The following KIF24 variants were observed in gnomAD, a reference collection of about 807,000 sequenced individuals.
KIF24 encodes kinesin-like protein KIF24.
In KIF24, 81 loss-of-function variants were observed where a neutral mutation model predicts 118.9. The observed-to-expected ratio is 0.68, with a 90% CI of 0.57 to 0.82. The LOEUF (loss-of-function observed/expected upper bound fraction) is 0.82, where lower values mean the gene tolerates loss of function less well. Among genes scored for constraint, KIF24 ranks in the 40% least tolerant of loss-of-function variants. The pLI, the probability that KIF24 is intolerant of heterozygous loss-of-function variation, is 0.00. For synonymous variants in KIF24, 599 were observed against 610.0 expected (o/e 0.98, Z 0.27); for missense variants, 1,560 against 1,661.6 (o/e 0.94, Z 1.06).
intron 4 of KIF24, among the ~76,000 whole-genome samples, chr9:34,295,455 T>C (rs900685680): frequency 1.3e-5 from 2 of 152,064 alleles, no homozygotes; most frequent in Admixed American, 1.3e-4. Context: ...AGCAGGAGGA[T>C]TGCTTGAGCC....
chr9:34,304,028 T>C (rs776253493), intron 3 of KIF24, among the ~76,000 whole-genome samples: 19 of 152,208 alleles, frequency 1.2e-4, no homozygotes, highest in Non-Finnish European at 2.2e-4. Flanking sequence ...CTCATTATAT[T>C]GATATAAAGT....
chr9:34,255,760 G>C lies in KIF24; in HGVS notation c.3847C>G (p.Arg1283Gly). Residue 1283 changes from arginine to glycine, a missense_variant, in exon 11 of 13, where the codon CGT becomes GGT. By Grantham distance (125) the Arg-to-Gly change is moderately radical (BLOSUM62 -2). Transcript: ENST00000402558. ...TGCGCTTGCTCCAGGGTGGGCTGAC[G>C]GAGTGTCCCTGCAGTCTTGGGAGAG... ...SCSPKTAGTL[R>G]QPTLEQAQQV... 6.2e-7 allele frequency: 1 copy of C among 1,613,192 alleles called. No individual in the cohort carries two copies. Among genetic ancestry groups the C allele is most frequent in the African/African-American group, 1.3e-5 (1 of 75,060 alleles).
At position 34,267,106 on chromosome 9, in the gene KIF24, T is replaced by G. The variant is rs1835325471; in HGVS notation, c.1443+2151A>C. On this transcript the variant is annotated intron_variant, in intron 8 of 12. Coordinates refer to ENST00000402558, the MANE Select transcript of KIF24 (RefSeq NM_194313.4). ...GATAGTTGAGGGAAAATTATTCTTT[T>G]CAGCTAATACATACAGAAGGAATAT... is the stretch of plus-strand genomic sequence containing the variant. Among the ~76,000 whole-genome samples, 2 of 152,276 alleles carry G rather than the reference T, an allele frequency of 1.3e-5. 1 individual carries two copies. Among genetic ancestry groups the G allele is most frequent in the South Asian group, 4.1e-4 (2 of 4,824 alleles).
intron 1 of KIF24, among the ~76,000 whole-genome samples, chr9:34,315,740 A>G (rs1753535014): frequency 6.6e-6 from 1 of 152,256 alleles, no homozygotes; most frequent in African/African-American, 2.4e-5. Context: ...TAAAATATTT[A>G]GAAATGGGCC....
At chr9:34,272,511 G>C (rs1013554820) in intron 6 of KIF24, among the ~76,000 whole-genome samples, 3 of 152,254 alleles carry the variant, frequency 2.0e-5, no homozygotes, top group South Asian at 2.1e-4. Context: ...AATGGGGCAG[G>C]GGAGGTGAAG....
At chr9:34,266,679 G>GAAA (rs1252037077) in intron 8 of KIF24, among the ~76,000 whole-genome samples, 1 of 77,302 alleles carries the variant, frequency 1.3e-5, no homozygotes, top group East Asian at 4.1e-4. Context: ...CTCCATCTCA[G>GAAA]AAAAAAAAAA....
At chr9:34,304,670 T>A (rs924888942) in intron 3 of KIF24, among the ~76,000 whole-genome samples, 4 of 151,904 alleles carry the variant, frequency 2.6e-5, no homozygotes, top group Admixed American at 2.0e-4. Context: ...GCTGTTAAAG[T>A]GATTGGGTTG....
chr9:34,285,930 T>TAA lies in KIF24; in HGVS notation c.1215+685_1215+686dup, dbSNP rs11283995. On this transcript the variant is annotated intron_variant, in intron 6 of 12. Transcript: ENST00000402558. ...GGCAACAGAGCAAGACCCTGTTGCT[T>TAA]AAAAAAAAAAAAAAAAAAAAGTAAA... is the stretch of plus-strand genomic sequence containing the variant. 1.4e-3 allele frequency among the ~76,000 whole-genome samples: 172 copies of TAA among 120,856 alleles called. 3 individuals carry two copies. The highest frequency in any genetic ancestry group is 2.2e-3 in the South Asian group (8 of 3,584). The allele number at this position is 120,856 out of a possible 152,430, so 79.3% of individuals were successfully genotyped here. A position where few individuals can be genotyped will look rare whatever the true frequency, so the allele number is the denominator to read the frequency against.
At position 34,318,179 on chromosome 9, in the gene KIF24, A is replaced by G. The variant is rs910598126; in HGVS notation, c.-25-6808T>C. ...ATGAATAATGCAGCCTGGGCAACAT[A>G]GTGAGACCCCGCCCCTAAAAAAAAG... On this transcript the variant is annotated intron_variant, in intron 1 of 12. Coordinates refer to ENST00000402558, the MANE Select transcript of KIF24 (RefSeq NM_194313.4). This position sits in a 1 kb window ranked among gnomAD's most constrained non-coding sequence, Gnocchi z 4.9. Among the ~76,000 whole-genome samples the G allele has an allele frequency of 1.3e-5, 2 of 148,788 alleles. No individual in the cohort carries two copies. The highest frequency in any genetic ancestry group is 3.0e-5 in the Non-Finnish European group (2 of 67,158).
chr9:34,295,039 AAC>A (rs1312110383), intron 4 of KIF24, among the ~76,000 whole-genome samples: 2 of 152,222 alleles, frequency 1.3e-5, no homozygotes, highest in Non-Finnish European at 1.5e-5. Flanking sequence ...TGTTTGAAAA[AAC>A]AGTCAAAATT....
rs1834808317 is a variant in KIF24, at chr9:34,255,793, G to A, written c.3814C>T (p.Pro1272Ser). 2 of 1,613,812 alleles carry A rather than the reference G, an allele frequency of 1.2e-6. No homozygotes were observed. The highest frequency in any genetic ancestry group is 1.7e-5 in the Admixed American group (1 of 59,980). Residue 1272 changes from proline (P) to serine (S), a missense_variant, in exon 11 of 13, where the codon CCC (proline) becomes TCC (serine). Physicochemically the swap from Pro to Ser is moderately conservative, Grantham distance 74. This residue lies in a region of KIF24 where 591 missense variants were observed against 655.6 expected (regional missense o/e 0.90). Transcript: ENST00000402558. ...CCTGCAGTCTTGGGAGAGCAGCTGG[G>A]AACCAAGGGAGAACTTGGCCTTGCT... ...CLARPSSPLV[P>S]SCSPKTAGTL...
chr9:34,282,367 G>C (rs1485545806), intron 6 of KIF24, among the ~76,000 whole-genome samples: 1 of 152,100 alleles, frequency 6.6e-6, no homozygotes, highest in Admixed American at 6.6e-5. Flanking sequence ...CCAGGCACTG[G>C]GGGCAGGAGA....
chr9:34,330,553 C>T (rs547848095), upstream of KIF24, among the ~76,000 whole-genome samples: 65 of 152,264 alleles, frequency 4.3e-4, no homozygotes, highest in South Asian at 1.0e-3. Context: ...AGCTATAGTT[C>T]CCTTTCTACT....
intron 1 of KIF24, among the ~76,000 whole-genome samples, chr9:34,326,019 T>C (rs1047371290): frequency 9.2e-5 from 14 of 152,322 alleles, no homozygotes; most frequent in African/African-American, 3.1e-4. Flanking sequence ...GAGACTTGTA[T>C]GAGATAGGCC....
chr9:34,323,562 C>T (rs1405187798), intron 1 of KIF24, among the ~76,000 whole-genome samples: 8 of 152,180 alleles, frequency 5.3e-5, no homozygotes, highest in East Asian at 3.8e-4. Flanking sequence ...GACTGCAGGA[C>T]GTTGTCATTT....
intron 3 of KIF24, among the ~76,000 whole-genome samples, chr9:34,305,455 C>T (rs1174938686): frequency 6.6e-6 from 1 of 152,148 alleles, no homozygotes; most frequent in African/African-American, 2.4e-5. Flanking sequence ...AGATATTGTC[C>T]ATCATTAAAC....
intron 7 of KIF24, among the ~76,000 whole-genome samples, chr9:34,270,918 C>T (rs1399393469): frequency 6.7e-6 from 1 of 150,356 alleles, no homozygotes; most frequent in Non-Finnish European, 1.5e-5. Flanking sequence ...ATCTCCCTCA[C>T]ATCCACCCTG....
intron 8 of KIF24, 100 bp downstream of exon 8, chr9:34,269,157 G>A: frequency 3.1e-6 from 2 of 653,778 alleles, no homozygotes; most frequent in Non-Finnish European, 5.4e-6. Context: ...GAACAGGGCA[G>A]TTGCTTTGCT....
intron 6 of KIF24, among the ~76,000 whole-genome samples, chr9:34,285,377 T>C (rs570366578): frequency 1.3e-5 from 2 of 151,708 alleles, no homozygotes; most frequent in African/African-American, 2.4e-5. Context: ...CCTGTAATCC[T>C]AGCACTTTAA....
Sources: gnomAD v4.1 joint callset for allele counts (sites outside exome capture counted in the v4.1 genomes callset) on GRCh38, gnomAD v4.1.1 for gene constraint, gnomAD v4.1.1 regional missense constraint, Gnocchi (gnomAD v3.1) non-coding constraint, MANE v1.5 for transcripts, NCBI Gene and HGNC (gene_info 2026-07-23, HGNC 2026-07-21) for gene names.